The following SMCR8 variants were observed in gnomAD, a reference collection of about 807,000 sequenced individuals.
SMCR8 encodes the protein SMCR8-C9orf72 complex subunit.
A neutral mutation model predicts 56.6 loss-of-function variants in SMCR8; 30 were observed. The observed-to-expected ratio is 0.53, with a 90% CI of 0.40 to 0.72. The LOEUF (loss-of-function observed/expected upper bound fraction) is 0.72. SMCR8 is among the 30% of genes least tolerant of loss of function. The pLI, the probability that SMCR8 is intolerant of heterozygous loss-of-function variation, is 0.00. For missense variants in SMCR8, 1,198 were observed against 1,157.0 expected (o/e 1.04, Z -0.51); for synonymous variants, 538 against 456.0 (o/e 1.18, Z -2.29).
rs774387631 is a variant in SMCR8, at chr17:18,317,392, G to A, written c.1603G>A (p.Ala535Thr). The change falls in exon 1 of 2, where the codon GCC becomes ACC. Residue 535 changes from alanine to threonine, a missense_variant. Ala to Thr is a moderately conservative substitution (Grantham distance 58). Coordinates refer to ENST00000406438, the MANE Select transcript of SMCR8 (RefSeq NM_144775.3). Reference protein sequence around the residue: ...SEALIPDDFKASYPSAINEEE... With the variant: ...SEALIPDDFKTSYPSAINEEE... ...GGCCCTCATCCCTGATGACTTTAAGGCCAGCTACCCAAGTGCCATTAATGA... is the reference window on the plus strand; with the variant it reads ...GGCCCTCATCCCTGATGACTTTAAGACCAGCTACCCAAGTGCCATTAATGA... The A allele has an allele frequency of 2.5e-6, 4 of 1,613,928 alleles. No homozygotes were observed. In the African/African-American group the frequency reaches 5.3e-5, roughly 22 times the overall value.
intron 1 of SMCR8, among the ~76,000 whole-genome samples, chr17:18,319,346 C>T (rs977641478): frequency 6.6e-6 from 1 of 152,172 alleles, no homozygotes; most frequent in Non-Finnish European, 1.5e-5. Context: ...CCCTGAGAAG[C>T]ACTCAGAGGG....
In SMCR8 at chr17:18,317,116, G is replaced by C. The variant is rs750448408; in HGVS notation, c.1327G>C (p.Val443Leu). The C allele has an allele frequency of 6.2e-7, 1 of 1,614,244 alleles. No homozygotes were observed. Among genetic ancestry groups the C allele is most frequent in the East Asian group, 2.2e-5 (1 of 44,886 alleles). ...AGATGAGGAGTACAAGGAAGTGGAA[G>C]TGACTGAGTTGAGCAGTTTCGACCC... ...LGDEEYKEVE[V>L]TELSSFDPQE... is the part of the protein sequence containing the mutation. The change falls in exon 1 of 2, where the codon GTG becomes CTG. Residue 443 changes from valine (V) to leucine (L), a missense_variant. Val to Leu is a conservative substitution (Grantham distance 32, BLOSUM62 1). Transcript: ENST00000406438.
At position 18,323,465 on chromosome 17, in the gene SMCR8, G is replaced by T; in HGVS notation, c.*395G>T. ...ATTCAGCATTGCCGGACACTTGAGTGGCAAAATGAACGAGGGTGACAGCCA... is the reference window on the plus strand; with the variant it reads ...ATTCAGCATTGCCGGACACTTGAGTTGCAAAATGAACGAGGGTGACAGCCA... On this transcript the variant is annotated 3_prime_UTR_variant, in exon 2 of 2. Coordinates refer to ENST00000406438, the MANE Select transcript of SMCR8 (RefSeq NM_144775.3). 1 of 203,174 alleles carries T rather than the reference G, an allele frequency of 4.9e-6. No individual in the cohort carries two copies. The highest frequency in any genetic ancestry group is 1.1e-4 in the East Asian group (1 of 8,836). The allele number at this position is 203,174 out of a possible 1,614,324, so 12.6% of individuals were successfully genotyped here.
chr17:18,319,613 C>G (rs1341444061), intron 1 of SMCR8, among the ~76,000 whole-genome samples: 1 of 152,206 alleles, frequency 6.6e-6, no homozygotes, highest in Non-Finnish European at 1.5e-5. Context: ...TTTTTTCACT[C>G]TGCCTGGAAA....
rs1490133123 is a variant in SMCR8, at chr17:18,315,581, AG to A, written c.-208del. On this transcript the variant is annotated 5_prime_UTR_variant, in exon 1 of 2. An upstream open reading frame in the 5' UTR loses its in-frame stop. Transcript: ENST00000406438. Reference sequence around the variant, plus strand: ...GGCCTTGGCGTTCATGAGGCCTCAGAGAGCTCCGGAGGAGCTACAACTGTGA... The same window carrying A: ...GGCCTTGGCGTTCATGAGGCCTCAGAAGCTCCGGAGGAGCTACAACTGTGA... 7.5e-6 allele frequency: 4 copies of A among 534,874 alleles called. No homozygotes were observed. In the African/African-American group the frequency reaches 7.6e-5, roughly 10 times the overall value. The allele number at this position is 534,874 out of a possible 1,614,324, so 33.1% of individuals were successfully genotyped here. A position where few individuals can be genotyped will look rare whatever the true frequency, so the allele number is the denominator to read the frequency against.
At position 18,323,127 on chromosome 17, in the gene SMCR8, G is replaced by T; in HGVS notation, c.*57G>T. On this transcript the variant is annotated 3_prime_UTR_variant, in exon 2 of 2. Transcript: ENST00000406438. ...TGACTCAGGGTATGGGGAGGGGAGG[G>T]GTTGGCATGACCAAACAGTTGCCTG... The T allele has an allele frequency of 6.7e-7, 1 of 1,491,816 alleles. No individual in the cohort carries two copies. Among genetic ancestry groups the T allele is most frequent in the Non-Finnish European group, 9.2e-7 (1 of 1,089,736 alleles). 92.4% of individuals were successfully genotyped at this position (1,491,816 alleles called of 1,614,324 possible).
rs527467967 is a variant in SMCR8, at chr17:18,324,872, C to T, written c.*1802C>T. On this transcript the variant is annotated 3_prime_UTR_variant, in exon 2 of 2. Transcript: ENST00000406438. ...CTCATTGGTTCTCTGTACCTGTGCC[C>T]GTTGCGCATGTTCACAGACAGGAGA... The T allele has an allele frequency of 7.9e-5, 12 of 152,334 alleles. No homozygotes were observed. The South Asian group carries it at 1.9e-3, about 24-fold the overall frequency. The allele number at this position is 152,334 out of a possible 1,614,324, so 9.4% of individuals were successfully genotyped here.
chr17:18,323,343 G>C lies in SMCR8; in HGVS notation c.*273G>C, dbSNP rs537527696. 3 of 437,708 alleles carry C rather than the reference G, an allele frequency of 6.9e-6. No individual in the cohort carries two copies. Among genetic ancestry groups the C allele is most frequent in the Non-Finnish European group, 1.2e-5 (3 of 242,296 alleles). 27.1% of individuals were successfully genotyped at this position (437,708 alleles called of 1,614,324 possible). On this transcript the variant is annotated 3_prime_UTR_variant, in exon 2 of 2. Coordinates refer to ENST00000406438, the MANE Select transcript of SMCR8 (RefSeq NM_144775.3). Reference sequence around the variant, plus strand: ...ATGGAGGGGGCCTTGGTTTTCTGAGGACTGGCAGCCAGGGCAGAAGGGAAG... The same window carrying C: ...ATGGAGGGGGCCTTGGTTTTCTGAGCACTGGCAGCCAGGGCAGAAGGGAAG...
chr17:18,321,707 C>T (rs544168934), intron 1 of SMCR8, among the ~76,000 whole-genome samples: 1 of 152,308 alleles, frequency 6.6e-6, no homozygotes, highest in African/African-American at 2.4e-5. Flanking sequence ...TGGCATACGC[C>T]TATAGTACCA....
In SMCR8 at chr17:18,317,130, C is replaced by T. The variant is rs746811781; in HGVS notation, c.1341C>T (p.Ser447=). The T allele has an allele frequency of 1.2e-6, 2 of 1,614,138 alleles. No individual in the cohort carries two copies. Among genetic ancestry groups the T allele is most frequent in the South Asian group, 2.2e-5 (2 of 91,080 alleles). The part of the protein sequence containing the change: ...EYKEVEVTEL[S]SFDPQENLDY... ...AGGAAGTGGAAGTGACTGAGTTGAG[C>T]AGTTTCGACCCCCAGGAAAACTTGG... Residue 447 remains serine (S), a synonymous_variant, in exon 1 of 2, where the codon AGC becomes AGT. Transcript: ENST00000406438.
In SMCR8 at chr17:18,317,269, A is replaced by T. The variant is rs148032344; in HGVS notation, c.1480A>T (p.Thr494Ser). The part of the protein sequence containing the change: ...LSKSDSQASL[T>S]VPLSPQVVRS... ...TAAATCTGACAGCCAGGCAAGCCTC[A>T]CAGTACCATTGAGCCCCCAGGTGGT... Residue 494 changes from threonine to serine, a missense_variant, in exon 1 of 2, where the codon ACA (threonine) becomes TCA (serine). Coordinates refer to ENST00000406438, the MANE Select transcript of SMCR8 (RefSeq NM_144775.3). 5 of 1,613,890 alleles carry T rather than the reference A, an allele frequency of 3.1e-6. No individual in the cohort carries two copies. The highest frequency in any genetic ancestry group is 4.2e-6 in the Non-Finnish European group (5 of 1,179,944).
At chr17:18,322,469 A>G in intron 1 of SMCR8, 148 bp from the exon 2 acceptor site, 1 of 687,862 alleles carries the variant, frequency 1.5e-6, no homozygotes, top group South Asian at 1.8e-5. Context: ...TTTGAAGATT[A>G]CAATGATCAG....
Position 18,316,515 on chromosome 17 carries a change from C to T in SMCR8, c.726C>T (p.Ser242=), listed in dbSNP as rs1982292004. 6.2e-7 allele frequency: 1 copy of T among 1,614,128 alleles called. No homozygotes were observed. Among genetic ancestry groups the T allele is most frequent in the Non-Finnish European group, 8.5e-7 (1 of 1,180,036 alleles). The change falls in exon 1 of 2, where the codon TCC becomes TCT. Residue 242 remains serine, a synonymous_variant. Coordinates refer to ENST00000406438, the MANE Select transcript of SMCR8 (RefSeq NM_144775.3). ...KANELASVEK[S]IIEHQDLLKQ... is the part of the protein sequence containing the mutation. ...ATGAACTGGCCAGTGTGGAGAAGTC[C>T]ATCATTGAACATCAAGACCTGCTGA...
rs761112003 is a variant in SMCR8, at chr17:18,316,130, A to G, written c.341A>G (p.Lys114Arg). 1 of 1,614,126 alleles carries G rather than the reference A, an allele frequency of 6.2e-7. No individual in the cohort carries two copies. The highest frequency in any genetic ancestry group is 8.5e-7 in the Non-Finnish European group (1 of 1,180,010). The part of the protein sequence containing the change: ...VGHPPGSAYP[K>R]LNFVEDSKVV... ...CATCCTCCTGGATCTGCCTACCCCA[A>G]GCTGAACTTCGTGGAGGACTCCAAG... The change falls in exon 1 of 2, where the codon AAG (lysine) becomes AGG (arginine). Residue 114 changes from lysine to arginine, a missense_variant. Physicochemically the swap from Lys to Arg is conservative, Grantham distance 26 (BLOSUM62 2). Coordinates refer to ENST00000406438, the MANE Select transcript of SMCR8 (RefSeq NM_144775.3).
chr17:18,318,566 G>A (rs2142993765), intron 1 of SMCR8, among the ~76,000 whole-genome samples: 1 of 152,176 alleles, frequency 6.6e-6, no homozygotes, highest in African/African-American at 2.4e-5. Context: ...ACCACACCCG[G>A]CTAACTTTTC....
chr17:18,316,027 A>G lies in SMCR8; in HGVS notation c.238A>G (p.Lys80Glu). ...QPLLTIPNDT[K>E]VFGTFDLNYF... ...CTTACTGACCATCCCCAATGACACC[A>G]AAGTTTTTGGCACTTTTGATCTCAA... is the stretch of plus-strand genomic sequence containing the variant. The change falls in exon 1 of 2, where the codon AAA (lysine) becomes GAA (glutamate). Residue 80 changes from lysine to glutamate, a missense_variant. Transcript: ENST00000406438. The G allele has an allele frequency of 6.2e-7, 1 of 1,614,092 alleles. No homozygotes were observed. The highest frequency in any genetic ancestry group is 1.7e-5 in the Admixed American group (1 of 60,022).
chr17:18,318,876 G>A (rs1982414815), intron 1 of SMCR8, among the ~76,000 whole-genome samples: 1 of 152,230 alleles, frequency 6.6e-6, no homozygotes, highest in African/African-American at 2.4e-5. Flanking sequence ...CCGGGGGAAA[G>A]GGTTAGGCTG....
At position 18,322,781 on chromosome 17, in the gene SMCR8, C is replaced by T; in HGVS notation, c.2525C>T (p.Thr842Ile). Residue 842 changes from threonine to isoleucine, a missense_variant, in exon 2 of 2, where the codon ACC becomes ATC. Coordinates refer to ENST00000406438, the MANE Select transcript of SMCR8 (RefSeq NM_144775.3). ...DHRTQIKRGS[T>I]YYLHVQSMLT... ...CGCACACAGATCAAGCGGGGCAGCA[C>T]CTACTACCTGCATGTCCAGAGCATG... 6.2e-7 allele frequency: 1 copy of T among 1,614,166 alleles called. No individual in the cohort carries two copies. The highest frequency in any genetic ancestry group is 8.5e-7 in the Non-Finnish European group (1 of 1,179,984).
In SMCR8 at chr17:18,324,244, C is replaced by G. The variant is rs1598003469; in HGVS notation, c.*1174C>G. 1.3e-5 allele frequency: 2 copies of G among 152,242 alleles called. No homozygotes were observed. The highest frequency in any genetic ancestry group is 2.9e-5 in the Non-Finnish European group (2 of 68,060). The allele number at this position is 152,242 out of a possible 1,614,324, so 9.4% of individuals were successfully genotyped here. On this transcript the variant is annotated 3_prime_UTR_variant, in exon 2 of 2. Coordinates refer to ENST00000406438, the MANE Select transcript of SMCR8 (RefSeq NM_144775.3). ...TCTGCCTCTGGGAGGCTGTGTGCAC[C>G]TCAGTCACCACAGCTCACGGCCGTC... is the stretch of plus-strand genomic sequence containing the variant.
Sources: gnomAD v4.1 joint callset for allele counts (sites outside exome capture counted in the v4.1 genomes callset) on GRCh38, gnomAD v4.1.1 for gene constraint, MANE v1.5 for transcripts, NCBI Gene and HGNC (gene_info 2026-07-23, HGNC 2026-07-21) for gene names.